The following PLPPR1 variants were observed in gnomAD, a reference collection of about 807,000 sequenced individuals.
PLPPR1 encodes the protein phospholipid phosphatase-related protein type 1.
PLPPR1 carries 10 observed loss-of-function variants against 33.1 expected under a neutral mutation model. The observed-to-expected ratio is 0.30, with a 90% CI of 0.19 to 0.51. PLPPR1 has a LOEUF of 0.51. PLPPR1 is among the 20% of genes least tolerant of loss of function. The pLI is 0.97. For missense variants in PLPPR1, 304 were observed against 408.1 expected, an observed-to-expected ratio of 0.74 and a Z score of 2.20; for synonymous variants, 151 against 151.0, an observed-to-expected ratio of 1.00 and a Z score of 0.00.
chr9:101,246,107 T>TATATAG (rs1827606259), intron 2 of PLPPR1, among the ~76,000 whole-genome samples: 2 of 98,302 alleles, frequency 2.0e-5, no homozygotes, highest in Non-Finnish European at 2.3e-5. Flanking sequence ...TATATATATA[T>TATATAG]ATAGATAGAT....
intron 1 of PLPPR1, among the ~76,000 whole-genome samples, chr9:101,033,422 AGATCCCAGCATCTAGT>A (rs1289898705): frequency 6.6e-6 from 1 of 152,232 alleles, no homozygotes; most frequent in Non-Finnish European, 1.5e-5. Flanking sequence ...GCATTAGTAG[AGATCCCAGCATCTAGT>A]GATTTCATAG....
At chr9:101,064,682 A>G (rs565606893) in intron 1 of PLPPR1, among the ~76,000 whole-genome samples, 30 of 152,212 alleles carry the variant, frequency 2.0e-4, no homozygotes, top group African/African-American at 7.0e-4. Context: ...TTCTGTTACT[A>G]TAACTGAATA....
At chr9:101,141,767 G>A (rs1015128401) in intron 1 of PLPPR1, among the ~76,000 whole-genome samples, 2 of 152,092 alleles carry the variant, frequency 1.3e-5, no homozygotes, top group African/African-American at 4.8e-5. Flanking sequence ...AAAACTGCAT[G>A]AAAACACACA....
intron 4 of PLPPR1, among the ~76,000 whole-genome samples, chr9:101,288,234 C>T (rs1465655193): frequency 6.6e-6 from 1 of 152,122 alleles, no homozygotes; most frequent in African/African-American, 2.4e-5. Context: ...TCCAAAACTC[C>T]CACTTGAGAC....
chr9:101,204,417 C>T (rs1293182000), intron 2 of PLPPR1, among the ~76,000 whole-genome samples: 2 of 152,166 alleles, frequency 1.3e-5, no homozygotes, highest in Non-Finnish European at 2.9e-5. Context: ...CTGGCTTTGA[C>T]CTTCCCACCT....
In PLPPR1 at chr9:101,097,962, G is replaced by A. The variant is rs144935080; in HGVS notation, c.-46+68860G>A. 1.9e-3 allele frequency among the ~76,000 whole-genome samples: 289 copies of A among 152,256 alleles called. 1 individual carries two copies. The highest frequency in any genetic ancestry group is 6.8e-3 in the African/African-American group (284 of 41,542). On this transcript the variant is annotated intron_variant, in intron 1 of 7. Coordinates refer to ENST00000374874, the MANE Select transcript of PLPPR1 (RefSeq NM_207299.2). ...ACGAGGAGTAGAGAATGAGACTAGAGTGTTCATGAGACATCAGGTCACAGA... is the reference window on the plus strand; with the variant it reads ...ACGAGGAGTAGAGAATGAGACTAGAATGTTCATGAGACATCAGGTCACAGA...
intron 1 of PLPPR1, among the ~76,000 whole-genome samples, chr9:101,059,308 C>T (rs1471747666): frequency 1.3e-5 from 2 of 152,080 alleles, no homozygotes; most frequent in Non-Finnish European, 2.9e-5. Flanking sequence ...AAGGTTTTAG[C>T]ATGTTTTTAT....
At chr9:101,302,254 G>A (rs966346408) in intron 4 of PLPPR1, among the ~76,000 whole-genome samples, 1 of 152,176 alleles carries the variant, frequency 6.6e-6, no homozygotes, top group African/African-American at 2.4e-5. Context: ...ACTAAGCACA[G>A]CATATTAGCT....
intron 1 of PLPPR1, among the ~76,000 whole-genome samples, chr9:101,173,884 C>T (rs1244026836): frequency 1.3e-5 from 2 of 152,110 alleles, no homozygotes; most frequent in African/African-American, 2.4e-5. Context: ...AAACATCCAG[C>T]AATGTTCAGT....
chr9:101,108,240 C>A (rs1322530417), intron 1 of PLPPR1, among the ~76,000 whole-genome samples: 2 of 152,190 alleles, frequency 1.3e-5, no homozygotes, highest in African/African-American at 2.4e-5. Context: ...TAATAATAAT[C>A]ATGTTTGTTA....
intron 4 of PLPPR1, among the ~76,000 whole-genome samples, chr9:101,308,412 C>T (rs1213398060): frequency 1.3e-5 from 2 of 152,134 alleles, no homozygotes; most frequent in East Asian, 1.9e-4. Flanking sequence ...GGAACACAGC[C>T]CTGCCAATGC....
At chr9:101,238,293 C>CTATATA (rs1307945596) in intron 2 of PLPPR1, among the ~76,000 whole-genome samples, 18 of 130,350 alleles carry the variant, frequency 1.4e-4, no homozygotes, top group Non-Finnish European at 2.3e-4. Flanking sequence ...TATACATACC[C>CTATATA]TATATATATA....
chr9:101,291,826 C>T (rs754205799), intron 4 of PLPPR1, among the ~76,000 whole-genome samples: 14 of 152,078 alleles, frequency 9.2e-5, no homozygotes, highest in East Asian at 1.9e-4. Flanking sequence ...GTAGATAAAA[C>T]GACAAAGATG....
intron 6 of PLPPR1, 54 bp from the exon 7 acceptor site, chr9:101,317,311 C>A: frequency 6.4e-7 from 1 of 1,572,290 alleles, no homozygotes; most frequent in Non-Finnish European, 8.6e-7. Context: ...TCACAGATGC[C>A]AGGCATTGAT....
intron 5 of PLPPR1, 34 bp downstream of exon 5, chr9:101,309,495 G>A: frequency 3.1e-6 from 5 of 1,602,400 alleles, no homozygotes; most frequent in Non-Finnish European, 3.4e-6. Context: ...CCTAAGTCCA[G>A]TTTTTGATAG....
chr9:101,309,172 G>A, intron 4 of PLPPR1, 39 bp from the exon 5 acceptor site: 3 of 1,609,668 alleles, frequency 1.9e-6, no homozygotes, highest in East Asian at 4.5e-5. Context: ...AATTGACAGA[G>A]TATGTTACCA....
rs1830687993 is a variant in PLPPR1 at position 101,087,166 on chromosome 9, AG to A, written c.-46+58065del. Among the ~76,000 whole-genome samples, 4 of 63,074 alleles carry A rather than the reference AG, an allele frequency of 6.3e-5. No homozygotes were observed. The Admixed American group carries it at 7.4e-4, about 12-fold the overall frequency. 41.4% of individuals were successfully genotyped at this position (63,074 alleles called of 152,430 possible). A position where few individuals can be genotyped will look rare whatever the true frequency, so the allele number is the denominator to read the frequency against. Reference sequence around the variant, plus strand: ...GTACTCCAGCCTGGGTGACAGACTGAGTGAGACTCTGTCTCAAAAAAAAAAA... The same window carrying A: ...GTACTCCAGCCTGGGTGACAGACTGATGAGACTCTGTCTCAAAAAAAAAAA... On this transcript the variant is annotated intron_variant, in intron 1 of 7. Coordinates refer to ENST00000374874, the MANE Select transcript of PLPPR1 (RefSeq NM_207299.2).
intron 2 of PLPPR1, among the ~76,000 whole-genome samples, chr9:101,246,107 T>G (rs111902315): frequency 0.82 from 81,227 of 99,646 alleles, 32,851 homozygotes; most frequent in African/African-American, 0.89. Context: ...TATATATATA[T>G]ATAGATAGAT....
intron 7 of PLPPR1, among the ~76,000 whole-genome samples, chr9:101,319,278 G>A (rs1185677135): frequency 6.6e-6 from 1 of 151,874 alleles, no homozygotes; most frequent in East Asian, 1.9e-4. Context: ...CGGGGTTCAA[G>A]CAATTCTCTC....
Sources: gnomAD v4.1 joint callset for allele counts (sites outside exome capture counted in the v4.1 genomes callset) on GRCh38, gnomAD v4.1.1 for gene constraint, MANE v1.5 for transcripts, NCBI Gene and HGNC (gene_info 2026-07-23, HGNC 2026-07-21) for gene names.